The following FMN1 variants were observed in gnomAD, a reference collection of about 807,000 sequenced individuals.
FMN1 encodes formin 1.
FMN1 carries 110 observed loss-of-function variants against 132.4 expected under a neutral mutation model. The ratio of observed to expected loss-of-function variants is 0.83; its 90% CI spans 0.71 to 0.97. The LOEUF (loss-of-function observed/expected upper bound fraction) is 0.97. Ranked by LOEUF, FMN1 falls within the 50% of genes least tolerant of loss-of-function variation. The pLI, the probability that FMN1 is intolerant of heterozygous loss-of-function variation, is 0.00. For missense variants in FMN1, 1,792 were observed against 1,705.3 expected, an observed-to-expected ratio of 1.05 and a Z score of -0.90; for synonymous variants, 722 against 651.7, an observed-to-expected ratio of 1.11 and a Z score of -1.64.
At chr15:32,913,936 G>A (rs1228684215) in intron 10 of FMN1, among the ~76,000 whole-genome samples, 1 of 152,114 alleles carries the variant, frequency 6.6e-6, no homozygotes, top group Non-Finnish European at 1.5e-5. Context: ...AGAAACCAGA[G>A]AGCCTCTAAA....
chr15:33,082,534 T>C (rs2038523523), intron 5 of FMN1, among the ~76,000 whole-genome samples: 1 of 152,178 alleles, frequency 6.6e-6, no homozygotes, highest in African/African-American at 2.4e-5. Context: ...TGGTGAGCAT[T>C]CCTCTCCAAT....
At chr15:33,162,227 G>A (rs1267498160) in intron 3 of FMN1, among the ~76,000 whole-genome samples, 1 of 152,014 alleles carries the variant, frequency 6.6e-6, no homozygotes, top group Non-Finnish European at 1.5e-5. Flanking sequence ...TGTGCAGCCT[G>A]GTCTCAAACT....
chr15:32,879,596 A>G (rs933310820), intron 16 of FMN1, among the ~76,000 whole-genome samples: 1 of 152,160 alleles, frequency 6.6e-6, no homozygotes, highest in African/African-American at 2.4e-5. Flanking sequence ...GTACTTCCTC[A>G]GGCATCGCCT....
At chr15:33,188,605 T>C (rs553595061) in intron 2 of FMN1, among the ~76,000 whole-genome samples, 1 of 152,312 alleles carries the variant, frequency 6.6e-6, no homozygotes, top group South Asian at 2.1e-4. Flanking sequence ...AGAATTTTGT[T>C]TTTCTTAATA....
intron 15 of FMN1, among the ~76,000 whole-genome samples, chr15:32,890,039 T>C (rs1388055566): frequency 6.6e-6 from 1 of 152,272 alleles, no homozygotes; most frequent in Admixed American, 6.5e-5. Flanking sequence ...TTTCCATTCC[T>C]GAGTTACTCC....
At chr15:32,953,574 T>C (rs2061698510) in intron 9 of FMN1, among the ~76,000 whole-genome samples, 2 of 152,176 alleles carry the variant, frequency 1.3e-5, no homozygotes. Context: ...AAAAGTATTT[T>C]ATCAAAAATT....
intron 4 of FMN1, among the ~76,000 whole-genome samples, chr15:33,101,182 G>A (rs1053315228): frequency 3.3e-5 from 5 of 152,146 alleles, no homozygotes; most frequent in Admixed American, 3.3e-4. Context: ...GTAAGACACT[G>A]AAAATCATCT....
chr15:32,848,998 T>TTC, intron 17 of FMN1, among the ~76,000 whole-genome samples: 1 of 145,538 alleles, frequency 6.9e-6, no homozygotes, highest in South Asian at 2.2e-4. Context: ...TTTTTTTTTT[T>TTC]TCAGAGACAG....
rs901093820 is a variant in FMN1, at chr15:32,970,159, T to C, written c.2224-682A>G. Among the ~76,000 whole-genome samples the C allele has an allele frequency of 3.3e-5, 5 of 152,338 alleles. No homozygotes were observed. In the South Asian group the frequency reaches 1.0e-3, roughly 32 times the overall value. Reference sequence around the variant, plus strand: ...CACTTTAAAGTATATAAGACAGTAGTAGCCTTTTTAATGCTTATTGCCTCA... The same window carrying C: ...CACTTTAAAGTATATAAGACAGTAGCAGCCTTTTTAATGCTTATTGCCTCA... On this transcript the variant is annotated intron_variant, in intron 7 of 20. Coordinates refer to ENST00000616417, the MANE Select transcript of FMN1 (RefSeq NM_001277313.2).
At chr15:32,844,856 C>T (rs912396956) in intron 17 of FMN1, among the ~76,000 whole-genome samples, 1 of 152,228 alleles carries the variant, frequency 6.6e-6, no homozygotes, top group Admixed American at 6.5e-5. Context: ...ACAACAGCAG[C>T]GGCTGATATA....
At chr15:33,112,192 T>C (rs930398376) in intron 4 of FMN1, among the ~76,000 whole-genome samples, 4 of 152,184 alleles carry the variant, frequency 2.6e-5, no homozygotes, top group African/African-American at 9.6e-5. Flanking sequence ...CATAGTCATC[T>C]ACATGATAAA....
chr15:32,850,511 T>A (rs1319082505), intron 17 of FMN1, among the ~76,000 whole-genome samples: 11 of 152,320 alleles, frequency 7.2e-5, no homozygotes, highest in African/African-American at 2.6e-4. Context: ...ATTCAGCAAT[T>A]CTGAAAGGAT....
At chr15:32,836,771 C>A (rs559274593) in intron 17 of FMN1, among the ~76,000 whole-genome samples, 1 of 152,186 alleles carries the variant, frequency 6.6e-6, no homozygotes, top group Non-Finnish European at 1.5e-5. Flanking sequence ...TGTTAAATAA[C>A]ATAGTTTCCA....
At position 33,154,934 on chromosome 15, in the gene FMN1, A is replaced by G. The variant is rs1054247748; in HGVS notation, c.-20T>C. On this transcript the variant is annotated 5_prime_UTR_variant, in exon 4 of 21. The change abolishes an upstream ATG in the 5' untranslated region. Coordinates refer to ENST00000616417, the MANE Select transcript of FMN1 (RefSeq NM_001277313.2). Reference sequence around the variant, plus strand: ...TTCCATTATGCCTACCTAATTATTCATGCCTTGGAGATGCCGGTTTGTGGT... The same window carrying G: ...TTCCATTATGCCTACCTAATTATTCGTGCCTTGGAGATGCCGGTTTGTGGT... 24 of 1,509,306 alleles carry G rather than the reference A, an allele frequency of 1.6e-5. No individual in the cohort carries two copies. In the East Asian group the frequency reaches 5.9e-4, roughly 37 times the overall value. The allele number at this position is 1,509,306 out of a possible 1,614,324, so 93.5% of individuals were successfully genotyped here.
At position 33,053,079 on chromosome 15, in the gene FMN1, G is replaced by A. The variant is rs760181331; in HGVS notation, c.2161+11878C>T. ...CCTCCACTCTCATCACCCTTCAATCGTCAGTGTGACCTCATTCTTCTTGAA... is the reference window on the plus strand; with the variant it reads ...CCTCCACTCTCATCACCCTTCAATCATCAGTGTGACCTCATTCTTCTTGAA... On this transcript the variant is annotated intron_variant, in intron 6 of 20. Coordinates refer to ENST00000616417, the MANE Select transcript of FMN1 (RefSeq NM_001277313.2). Among the ~76,000 whole-genome samples, 5 of 152,042 alleles carry A rather than the reference G, an allele frequency of 3.3e-5. No homozygotes were observed. In the South Asian group the frequency reaches 6.2e-4, roughly 19 times the overall value.
intron 3 of FMN1, among the ~76,000 whole-genome samples, chr15:33,158,583 C>T (rs1439202769): frequency 1.3e-5 from 2 of 152,248 alleles, no homozygotes; most frequent in Non-Finnish European, 2.9e-5. Context: ...GGGAGTTTGT[C>T]TCATGATCTT....
intron 5 of FMN1, among the ~76,000 whole-genome samples, chr15:33,086,685 C>G (rs1005859573): frequency 6.6e-6 from 1 of 152,222 alleles, no homozygotes; most frequent in South Asian, 2.1e-4. Flanking sequence ...AATTGACCAA[C>G]AGATGTCACT....
chr15:33,010,580 C>G (rs2034658437), intron 6 of FMN1, among the ~76,000 whole-genome samples: 1 of 151,964 alleles, frequency 6.6e-6, no homozygotes, highest in African/African-American at 2.4e-5. Flanking sequence ...TCTACTGCTA[C>G]TAGCAGATGT....
chr15:33,193,093 T>C (rs894585659), intron 2 of FMN1, among the ~76,000 whole-genome samples: 3 of 152,166 alleles, frequency 2.0e-5, no homozygotes, highest in Non-Finnish European at 4.4e-5. Flanking sequence ...GTTCCTGCAA[T>C]ATGTCTAACT....
Sources: gnomAD v4.1 joint callset for allele counts (sites outside exome capture counted in the v4.1 genomes callset) on GRCh38, gnomAD v4.1.1 for gene constraint, MANE v1.5 for transcripts, NCBI Gene and HGNC (gene_info 2026-07-23, HGNC 2026-07-21) for gene names.